The following KANK1 variants were observed in gnomAD, a reference collection of about 807,000 sequenced individuals.
KANK1 encodes KN motif and ankyrin repeat domains 1.
A neutral mutation model predicts 106.2 loss-of-function variants in KANK1; 109 were observed. That is an observed-to-expected ratio of 1.03 (90% CI 0.88 to 1.20). The LOEUF (loss-of-function observed/expected upper bound fraction) is 1.20. Ranked by LOEUF, KANK1 falls within the 50% of genes most tolerant of loss-of-function variation. KANK1 has a pLI of 0.00. For missense variants in KANK1, 2,399 were observed against 1,710.7 expected, an observed-to-expected ratio of 1.40 and a Z score of -7.10; for synonymous variants, 873 against 652.2, an observed-to-expected ratio of 1.34 and a Z score of -5.16.
At chr9:710,701 C>G in intron 2 of KANK1, 103 bp from the exon 3 acceptor site, 3 of 1,060,526 alleles carry the variant, frequency 2.8e-6, no homozygotes, top group African/African-American at 1.6e-5. Flanking sequence ...TGTGTCAACT[C>G]TTAAAATCAT....
intron 1 of KANK1, among the ~76,000 whole-genome samples, chr9:591,462 G>A (rs542181782): frequency 3.3e-5 from 5 of 151,716 alleles, no homozygotes; most frequent in Admixed American, 6.6e-5. Context: ...GGCCTGGCAC[G>A]ATCTTGCTTT....
chr9:683,343 A>G (rs959075759), intron 2 of KANK1, among the ~76,000 whole-genome samples: 1 of 152,190 alleles, frequency 6.6e-6, no homozygotes, highest in Non-Finnish European at 1.5e-5. Context: ...AGAGGGTAAA[A>G]CATAAACACA....
chr9:573,582 T>C (rs1819768176), intron 1 of KANK1, among the ~76,000 whole-genome samples: 1 of 152,166 alleles, frequency 6.6e-6, no homozygotes, highest in Admixed American at 6.6e-5. Flanking sequence ...GGATTTTTTT[T>C]TTAAAGCCAG....
intron 2 of KANK1, chr9:687,037 T>TTTC: frequency 3.4e-6 from 2 of 579,984 alleles, no homozygotes; most frequent in Non-Finnish European, 4.3e-6. Flanking sequence ...TTTCTTTTCT[T>TTTC]TTTTTTTAAT....
chr9:502,178 G>C (rs563462874), upstream of KANK1, among the ~76,000 whole-genome samples: 112 of 152,252 alleles, frequency 7.4e-4, no homozygotes, highest in African/African-American at 2.6e-3. Context: ...GTGGTAGCCA[G>C]CGGCTGGGAG....
chr9:618,905 A>T (rs762680648), intron 1 of KANK1, among the ~76,000 whole-genome samples: 6 of 152,356 alleles, frequency 3.9e-5, no homozygotes, highest in Non-Finnish European at 8.8e-5. Context: ...AAAACAGAGA[A>T]TAAAACTTGT....
At chr9:506,082 G>T (rs758542718) in intron 1 of KANK1, among the ~76,000 whole-genome samples, 1 of 152,080 alleles carries the variant, frequency 6.6e-6, no homozygotes, top group African/African-American at 2.4e-5. Context: ...TAATATATCC[G>T]TAAAGTTATG....
At position 742,320 on chromosome 9, in the gene KANK1, T is replaced by C; in HGVS notation, c.3812T>C (p.Leu1271Pro). The C allele has an allele frequency of 6.2e-7, 1 of 1,614,052 alleles. No homozygotes were observed. Among genetic ancestry groups the C allele is most frequent in the Non-Finnish European group, 8.5e-7 (1 of 1,179,982 alleles). ...NIQDDEGSTA[L>P]MCASEHGHVE... ...CAGGATGACGAGGGCTCCACGGCCC[T>C]CATGTGTGCCAGCGAGCACGGACAC... is the stretch of plus-strand genomic sequence containing the variant. The change falls in exon 10 of 12, where the codon CTC (leucine) becomes CCC (proline). Residue 1271 changes from leucine to proline, a missense_variant. Transcript: ENST00000382297.
At chr9:654,485 T>G (rs1841639574) in intron 1 of KANK1, among the ~76,000 whole-genome samples, 2 of 152,070 alleles carry the variant, frequency 1.3e-5, no homozygotes, top group Admixed American at 1.3e-4. Flanking sequence ...CCCCATAGAG[T>G]GTCACTTGTT....
At chr9:546,772 A>G (rs1049665134) in intron 1 of KANK1, among the ~76,000 whole-genome samples, 2 of 150,486 alleles carry the variant, frequency 1.3e-5, no homozygotes, top group Non-Finnish European at 2.9e-5. Flanking sequence ...ATCTGTCAGG[A>G]AATTCTATTT....
intron 1 of KANK1, among the ~76,000 whole-genome samples, chr9:541,308 C>G (rs2060584799): frequency 6.6e-6 from 1 of 152,010 alleles, no homozygotes; most frequent in East Asian, 1.9e-4. Flanking sequence ...ACAAAGTTGC[C>G]AAGAACACAC....
intron 2 of KANK1, among the ~76,000 whole-genome samples, chr9:678,898 G>T (rs1816934461): frequency 6.6e-6 from 1 of 152,100 alleles, no homozygotes; most frequent in Non-Finnish European, 1.5e-5. Context: ...TCAGGGGAAG[G>T]GGTGTTTAAG....
chr9:677,819 C>G (rs113491260), intron 2 of KANK1, among the ~76,000 whole-genome samples: 37 of 152,274 alleles, frequency 2.4e-4, no homozygotes, highest in African/African-American at 7.7e-4. Flanking sequence ...TATACTGGAG[C>G]AAGTGTAGAA....
At chr9:531,909 G>A (rs1009815520) in intron 1 of KANK1, among the ~76,000 whole-genome samples, 1 of 152,186 alleles carries the variant, frequency 6.6e-6, no homozygotes, top group Non-Finnish European at 1.5e-5. Context: ...TACCAAGAGA[G>A]AAGAGAACTT....
At chr9:614,813 T>C (rs907902304) in intron 1 of KANK1, among the ~76,000 whole-genome samples, 2 of 152,198 alleles carry the variant, frequency 1.3e-5, no homozygotes, top group Non-Finnish European at 2.9e-5. Flanking sequence ...GTACTTTATA[T>C]TTTTAAAAAA....
chr9:529,284 CAT>C (rs1227529193), intron 1 of KANK1, among the ~76,000 whole-genome samples: 4 of 150,086 alleles, frequency 2.7e-5, no homozygotes, highest in South Asian at 2.1e-4. Context: ...CACACACACA[CAT>C]ATATACACTT....
intron 1 of KANK1, among the ~76,000 whole-genome samples, chr9:634,368 G>A (rs1476175243): frequency 6.6e-6 from 1 of 152,122 alleles, no homozygotes; most frequent in African/African-American, 2.4e-5. Context: ...ATGAGTCCTG[G>A]CTCCCGGTGG....
chr9:735,759 C>T (rs188538580), intron 7 of KANK1: 41 of 435,062 alleles, frequency 9.4e-5, no homozygotes, highest in African/African-American at 5.8e-4. Flanking sequence ...TTCGGGAGGC[C>T]GATGCAGGTG....
At chr9:732,119 A>C (rs1180501454) in intron 5 of KANK1, 2 of 335,674 alleles carry the variant, frequency 6.0e-6, no homozygotes, top group African/African-American at 4.1e-5. Flanking sequence ...GATTTATGCT[A>C]AGCCGGAGAT....
Sources: gnomAD v4.1 joint callset for allele counts (sites outside exome capture counted in the v4.1 genomes callset) on GRCh38, gnomAD v4.1.1 for gene constraint, MANE v1.5 for transcripts, NCBI Gene and HGNC (gene_info 2026-07-23, HGNC 2026-07-21) for gene names.